The following NDFIP1 variants were observed in gnomAD, a reference collection of about 807,000 sequenced individuals.
The protein encoded by NDFIP1 is NEDD4 family-interacting protein 1.
In NDFIP1, 7 loss-of-function variants were observed where a neutral mutation model predicts 28.8. The ratio of observed to expected loss-of-function variants is 0.24; its 90% CI spans 0.14 to 0.46. NDFIP1 has a LOEUF of 0.46. NDFIP1 is among the 20% of genes least tolerant of loss of function. The probability of loss-of-function intolerance (pLI) is 0.99; values close to 1 mark genes in which losing one functional copy is unlikely to be tolerated. For missense variants in NDFIP1, 194 were observed against 269.1 expected (o/e 0.72, Z 1.95); for synonymous variants, 92 against 101.0 (o/e 0.91, Z 0.53).
chr5:142,117,273 C>A (rs1175047938), intron 1 of NDFIP1, among the ~76,000 whole-genome samples: 1 of 142,298 alleles, frequency 7.0e-6, no homozygotes, highest in Non-Finnish European at 1.5e-5. Context: ...GAGACGGAGT[C>A]TCACTCTGTC....
chr5:142,149,218 C>A (rs976654717), intron 7 of NDFIP1, among the ~76,000 whole-genome samples: 3 of 151,990 alleles, frequency 2.0e-5, no homozygotes, highest in African/African-American at 7.2e-5. Flanking sequence ...TTCTCCTTTT[C>A]TGTAATTTTT....
chr5:142,109,185 C>T (rs1756985376), intron 1 of NDFIP1, 148 bp downstream of exon 1: 1 of 693,192 alleles, frequency 1.4e-6, no homozygotes, highest in African/African-American at 1.9e-5. Context: ...GGTCGGGCCC[C>T]GGGCTCGGAT....
intron 1 of NDFIP1, among the ~76,000 whole-genome samples, chr5:142,129,911 CAAAAAAA>C (rs749420090): frequency 3.2e-5 from 2 of 62,676 alleles, no homozygotes; most frequent in African/African-American, 5.1e-5. Flanking sequence ...AACTACATCT[CAAAAAAA>C]AAAAAAAAAA....
At chr5:142,145,111 TC>T (rs1277270106) in intron 7 of NDFIP1, among the ~76,000 whole-genome samples, 6 of 152,316 alleles carry the variant, frequency 3.9e-5, no homozygotes, top group South Asian at 2.1e-4. Context: ...CTTTAAGAAC[TC>T]CTTTTGTCTG....
intron 7 of NDFIP1, among the ~76,000 whole-genome samples, chr5:142,145,725 A>C (rs1251111752): frequency 6.6e-6 from 1 of 152,110 alleles, no homozygotes; most frequent in South Asian, 2.1e-4. Flanking sequence ...AAGGCTAAAA[A>C]GTCAGGTTGA....
intron 1 of NDFIP1, among the ~76,000 whole-genome samples, chr5:142,121,181 T>C: frequency 6.6e-6 from 1 of 152,374 alleles, no homozygotes; most frequent in South Asian, 2.1e-4. Flanking sequence ...AGGAATTACA[T>C]TGTGATCAAG....
At chr5:142,136,616 G>A (rs1596791316) in intron 4 of NDFIP1, among the ~76,000 whole-genome samples, 1 of 151,848 alleles carries the variant, frequency 6.6e-6, no homozygotes, top group East Asian at 1.9e-4. Flanking sequence ...TTAGCTGGGT[G>A]TGGTGGCAGG....
chr5:142,108,940 C>G lies in NDFIP1; in HGVS notation c.-35C>G, dbSNP rs1183727752. ...CGGCCGCGCCCCTTCAGCTAGCTCG[C>G]TCGCTCGCTCTGCTTCCCTGCTGCC... is the stretch of plus-strand genomic sequence containing the variant. On this transcript the variant is annotated 5_prime_UTR_variant, in exon 1 of 8. Coordinates refer to ENST00000253814, the MANE Select transcript of NDFIP1 (RefSeq NM_030571.4). The G allele has an allele frequency of 7.0e-7, 1 of 1,421,298 alleles. No homozygotes were observed. 88.0% of individuals were successfully genotyped at this position (1,421,298 alleles called of 1,614,324 possible).
intron 1 of NDFIP1, among the ~76,000 whole-genome samples, chr5:142,112,532 TAAAAAAA>T (rs113729498): frequency 9.6e-6 from 1 of 103,650 alleles, no homozygotes; most frequent in South Asian, 3.2e-4. Context: ...AAGACTGTCT[TAAAAAAA>T]AAAAAAAAAA....
intron 6 of NDFIP1, chr5:142,144,352 A>G: frequency 2.7e-6 from 1 of 369,540 alleles, no homozygotes; most frequent in East Asian, 4.5e-5. Flanking sequence ...TCAATTCTGA[A>G]TGTGCAAAAG....
intron 1 of NDFIP1, among the ~76,000 whole-genome samples, chr5:142,111,171 T>C (rs752001380): frequency 9.2e-5 from 14 of 151,792 alleles, no homozygotes; most frequent in Non-Finnish European, 1.8e-4. Context: ...CGTGTCCATG[T>C]GTATCTTGTT....
Position 142,111,205 on chromosome 5 carries a change from T to C in NDFIP1, c.63+2168T>C, listed in dbSNP as rs368332370. 7.5e-4 allele frequency among the ~76,000 whole-genome samples: 113 copies of C among 151,344 alleles called. 2 individuals are homozygous for C. In the South Asian group the frequency reaches 0.023, roughly 31 times the overall value. ...TTCTCAGACATGTGCATTCATACAT[T>C]TGCACATGTGTATCATGCACATGTA... On this transcript the variant is annotated intron_variant, in intron 1 of 7. Coordinates refer to ENST00000253814, the MANE Select transcript of NDFIP1 (RefSeq NM_030571.4).
rs1436594424 is a variant in NDFIP1, at chr5:142,152,097, T to C, written c.*369T>C. On this transcript the variant is annotated 3_prime_UTR_variant, in exon 8 of 8. Transcript: ENST00000253814. ...ATTCATCCTCCATCTCAAAATGAAC[T>C]TGGAATTAAATATTGTAAGATATGT... 2 of 152,888 alleles carry C rather than the reference T, an allele frequency of 1.3e-5. No homozygotes were observed. Among genetic ancestry groups the C allele is most frequent in the Non-Finnish European group, 2.9e-5 (2 of 68,024 alleles). The allele number at this position is 152,888 out of a possible 1,614,324, so 9.5% of individuals were successfully genotyped here. A position where few individuals can be genotyped will look rare whatever the true frequency, so the allele number is the denominator to read the frequency against.
intron 7 of NDFIP1, among the ~76,000 whole-genome samples, chr5:142,148,750 CAAAAAAAAAAAAA>C (rs60681858): frequency 3.2e-4 from 7 of 22,212 alleles, no homozygotes; most frequent in Admixed American, 8.4e-4. Context: ...GACTCTGTCT[CAAAAAAAAAAAAA>C]AAAAAAAAAA....
At chr5:142,111,193 G>A (rs1757011130) in intron 1 of NDFIP1, among the ~76,000 whole-genome samples, 1 of 150,994 alleles carries the variant, frequency 6.6e-6, no homozygotes, top group Non-Finnish European at 1.5e-5. Flanking sequence ...TCAGACATGT[G>A]CATTCATACA....
chr5:142,154,437 A>G lies in NDFIP1; in HGVS notation c.*2709A>G, dbSNP rs1402229462. The G allele has an allele frequency of 2.6e-5, 4 of 152,446 alleles. No individual in the cohort carries two copies. The highest frequency in any genetic ancestry group is 6.5e-5 in the Admixed American group (1 of 15,294). 9.4% of individuals were successfully genotyped at this position (152,446 alleles called of 1,614,324 possible). ...ATTATTAAAATTTGCTTGTTAAAAA[A>G]TGATAAGAATGAATATCTTTACTTA... On this transcript the variant is annotated 3_prime_UTR_variant, in exon 8 of 8. Coordinates refer to ENST00000253814, the MANE Select transcript of NDFIP1 (RefSeq NM_030571.4).
intron 7 of NDFIP1, among the ~76,000 whole-genome samples, chr5:142,148,186 T>A (rs762556843): frequency 6.6e-6 from 1 of 152,176 alleles, no homozygotes; most frequent in African/African-American, 2.4e-5. Flanking sequence ...AATAGTGACT[T>A]TTCTAGTCAG....
At chr5:142,140,388 C>T (rs971620145) in intron 5 of NDFIP1, among the ~76,000 whole-genome samples, 175 bp from the exon 6 acceptor site, 1 of 148,032 alleles carries the variant, frequency 6.8e-6, no homozygotes, top group South Asian at 2.1e-4. Flanking sequence ...GCAGAGGTTG[C>T]AGTGAGCCGA....
intron 6 of NDFIP1, chr5:142,143,490 C>T (rs1300418645): frequency 1.3e-5 from 2 of 151,986 alleles, no homozygotes; most frequent in African/African-American, 4.8e-5. Flanking sequence ...TTCAACTGTC[C>T]AAGTACCATT....
Sources: allele counts gnomAD v4.1 joint callset (sites outside exome capture counted in the v4.1 genomes callset), GRCh38; gene constraint gnomAD v4.1.1; transcripts MANE v1.5; gene names NCBI Gene and HGNC (gene_info 2026-07-23, HGNC 2026-07-21).